SBF2: variants seen among roughly 807,000 people sequenced by gnomAD.
SBF2 encodes the protein SET binding factor 2.
Under a neutral mutation model 225.2 loss-of-function variants are expected in SBF2, and 112 were observed. That is an observed-to-expected ratio of 0.50 (90% CI 0.43 to 0.58). SBF2 has a LOEUF of 0.58. Ranked by LOEUF, SBF2 falls within the 20% of genes least tolerant of loss-of-function variation. The probability of loss-of-function intolerance (pLI) is 0.00; values close to 1 mark genes in which losing one functional copy is unlikely to be tolerated. For synonymous variants in SBF2, 763 were observed against 773.3 expected, an observed-to-expected ratio of 0.99 and a Z score of 0.22; for missense variants, 1,996 against 2,206.2, an observed-to-expected ratio of 0.90 and a Z score of 1.91.
chr11:9,886,245 A>C (rs1860289441), intron 17 of SBF2, among the ~76,000 whole-genome samples: 2 of 152,238 alleles, frequency 1.3e-5, no homozygotes, highest in South Asian at 4.1e-4. Flanking sequence ...ACTTTCTTTT[A>C]ACTTCTATTC....
intron 2 of SBF2, among the ~76,000 whole-genome samples, chr11:10,154,015 T>C (rs940622397): frequency 2.0e-5 from 3 of 152,118 alleles, no homozygotes; most frequent in Non-Finnish European, 4.4e-5. Context: ...TTTAGTTCTA[T>C]TGATTAAATT....
At chr11:9,864,724 C>G (rs911946337) in intron 17 of SBF2, among the ~76,000 whole-genome samples, 2 of 152,076 alleles carry the variant, frequency 1.3e-5, no homozygotes, top group Non-Finnish European at 2.9e-5. Context: ...TCTAATGATT[C>G]TGTGTCTTAA....
At chr11:9,974,464 T>C (rs1946585867) in intron 13 of SBF2, among the ~76,000 whole-genome samples, 1 of 152,086 alleles carries the variant, frequency 6.6e-6, no homozygotes. Flanking sequence ...ACCACTGCTC[T>C]AATTCATGAC....
In SBF2 at chr11:9,989,601, A is replaced by G. The variant is rs1554975593; in HGVS notation, c.1297-6T>C. On this transcript the variant is annotated splice_polypyrimidine_tract_variant and splice_region_variant and intron_variant, in intron 12 of 39. Coordinates refer to ENST00000256190, the MANE Select transcript of SBF2 (RefSeq NM_030962.4). ...TCTACTTCAAAGGCTACCAACTAGG[A>G]AAAAGAATCAAATGGCAAAACATCA... 1 of 1,509,640 alleles carries G rather than the reference A, an allele frequency of 6.6e-7. No homozygotes were observed. The highest frequency in any genetic ancestry group is 9.2e-7 in the Non-Finnish European group (1 of 1,089,272). 93.5% of individuals were successfully genotyped at this position (1,509,640 alleles called of 1,614,324 possible).
chr11:9,844,678 T>C (rs1423560418), intron 24 of SBF2, among the ~76,000 whole-genome samples: 1 of 152,282 alleles, frequency 6.6e-6, no homozygotes, highest in South Asian at 2.1e-4. Context: ...ATATAGACTC[T>C]GGGTTAGATA....
chr11:10,132,548 G>T (rs10770092), intron 2 of SBF2, among the ~76,000 whole-genome samples: 1 of 145,962 alleles, frequency 6.9e-6, no homozygotes, highest in Non-Finnish European at 1.5e-5. Flanking sequence ...CAGCGCGTCT[G>T]GAGTTGTTCG....
At chr11:9,793,166 C>T (rs887629857) in intron 33 of SBF2, among the ~76,000 whole-genome samples, 1 of 151,960 alleles carries the variant, frequency 6.6e-6, no homozygotes, top group African/African-American at 2.4e-5. Flanking sequence ...CAATATATAC[C>T]AAACATATCT....
At chr11:9,859,497 A>G (rs1176197805) in intron 17 of SBF2, among the ~76,000 whole-genome samples, 1 of 152,234 alleles carries the variant, frequency 6.6e-6, no homozygotes, top group African/African-American at 2.4e-5. Flanking sequence ...AAGAGTAGGT[A>G]CCATTTTCAA....
At chr11:10,126,691 C>T (rs1306831031) in intron 2 of SBF2, among the ~76,000 whole-genome samples, 2 of 151,904 alleles carry the variant, frequency 1.3e-5, no homozygotes, top group South Asian at 2.1e-4. Flanking sequence ...GGTATATATC[C>T]AAAAGAACTG....
At chr11:9,852,809 T>G in intron 20 of SBF2, 60 bp from the exon 21 acceptor site, 1 of 1,262,116 alleles carries the variant, frequency 7.9e-7, no homozygotes, top group Non-Finnish European at 1.2e-6. Context: ...AAAAACAAAT[T>G]CTGGATATTT....
At chr11:9,780,673 T>G in intron 39 of SBF2, 157 bp from the exon 40 acceptor site, 1 of 700,886 alleles carries the variant, frequency 1.4e-6, no homozygotes, top group Non-Finnish European at 2.6e-6. Context: ...GTTATTGCCT[T>G]TACTTTTGTG....
intron 3 of SBF2, among the ~76,000 whole-genome samples, chr11:10,040,250 A>G (rs1227186446): frequency 6.6e-6 from 1 of 151,998 alleles, no homozygotes; most frequent in Non-Finnish European, 1.5e-5. Flanking sequence ...TGACCAAGTT[A>G]CCAAAATTAA....
At chr11:10,232,816 C>A (rs1215593657) in intron 1 of SBF2, among the ~76,000 whole-genome samples, 1 of 152,120 alleles carries the variant, frequency 6.6e-6, no homozygotes, top group Non-Finnish European at 1.5e-5. Context: ...AAATATGAAG[C>A]CTATTTTCAA....
chr11:9,934,272 T>C (rs745747830), intron 16 of SBF2, among the ~76,000 whole-genome samples: 1 of 152,040 alleles, frequency 6.6e-6, no homozygotes, highest in Non-Finnish European at 1.5e-5. Context: ...AAGTTGAATC[T>C]CTGAATAGAC....
intron 6 of SBF2, among the ~76,000 whole-genome samples, chr11:10,023,308 A>C (rs2134605298): frequency 6.6e-6 from 1 of 152,316 alleles, no homozygotes; most frequent in East Asian, 1.9e-4. Context: ...CTATCATCTT[A>C]GATCAGTTGT....
In SBF2 at chr11:9,883,569, A is replaced by G. The variant is rs780900971; in HGVS notation, c.1929+12374T>C. On this transcript the variant is annotated intron_variant, in intron 17 of 39. Transcript: ENST00000256190. ...TGAAGTGTTTAGCATAGTATCTGGT[A>G]CCTAGGAAGTGTTCAGTCAATGCTG... Among the ~76,000 whole-genome samples the G allele has an allele frequency of 3.6e-4, 55 of 152,140 alleles. 1 individual carries two copies. Among genetic ancestry groups the G allele is most frequent in the African/African-American group, 1.3e-3 (53 of 41,438 alleles).
chr11:9,851,266 C>A (rs7946986), intron 21 of SBF2, among the ~76,000 whole-genome samples: 4,870 of 152,124 alleles, frequency 0.032, 189 homozygotes, highest in East Asian at 0.13. Context: ...ACTGTGAACC[C>A]AACTGTTAAA....
chr11:10,052,877 A>T (rs1468814641), intron 2 of SBF2, among the ~76,000 whole-genome samples: 1 of 152,184 alleles, frequency 6.6e-6, no homozygotes, highest in Non-Finnish European at 1.5e-5. Flanking sequence ...TACCTTCATA[A>T]ATCACCTTAT....
rs531171543 is a variant in SBF2 at position 9,862,950 on chromosome 11, CTCTT to C, written c.1930-4558_1930-4555del. On this transcript the variant is annotated intron_variant, in intron 17 of 39. Transcript: ENST00000256190. Reference sequence around the variant, plus strand: ...GGAATGCTTTTGTCAAATCACATCTCTCTTTCATTCTCTTCAATTCTGGCAACAA... The same window carrying C: ...GGAATGCTTTTGTCAAATCACATCTCTCATTCTCTTCAATTCTGGCAACAA... 1.4e-3 allele frequency among the ~76,000 whole-genome samples: 219 copies of C among 152,044 alleles called. 1 individual carries two copies. Among genetic ancestry groups the C allele is most frequent in the African/African-American group, 5.0e-3 (207 of 41,520 alleles).
Sources: allele counts gnomAD v4.1 joint callset (sites outside exome capture counted in the v4.1 genomes callset), GRCh38; gene constraint gnomAD v4.1.1; transcripts MANE v1.5; gene names NCBI Gene and HGNC (gene_info 2026-07-23, HGNC 2026-07-21).